Variants in TBC1D15 observed in about 807,000 individuals in gnomAD.
TBC1D15 encodes the protein TBC1 domain family member 15.
Under a neutral mutation model 95.4 loss-of-function variants are expected in TBC1D15, and 39 were observed. That is an observed-to-expected ratio of 0.41 (90% confidence interval 0.32 to 0.53). TBC1D15 has a LOEUF of 0.53. Ranked by LOEUF, TBC1D15 falls within the 20% of genes least tolerant of loss-of-function variation. The probability of loss-of-function intolerance (pLI) is 0.29; values close to 1 mark genes in which losing one functional copy is unlikely to be tolerated. For synonymous variants in TBC1D15, 258 were observed against 261.3 expected (o/e 0.99, Z 0.12); for missense variants, 733 against 794.3 (o/e 0.92, Z 0.93).
intron 7 of TBC1D15, 85 bp from the exon 8 acceptor site, chr12:71,895,862 C>A: frequency 7.7e-7 from 1 of 1,299,748 alleles, no homozygotes; most frequent in Admixed American, 2.4e-5. Flanking sequence ...GTCTGAAAAA[C>A]AGTATTTTAA....
intron 10 of TBC1D15, among the ~76,000 whole-genome samples, chr12:71,900,605 A>G (rs1460168903): frequency 6.6e-6 from 1 of 152,112 alleles, no homozygotes; most frequent in Non-Finnish European, 1.5e-5. Flanking sequence ...AGTGCCTATT[A>G]TGTACTAGGC....
intron 1 of TBC1D15, among the ~76,000 whole-genome samples, chr12:71,846,952 AGTGTTGCCGTGTTGCTCC>A (rs1473719171): frequency 6.6e-6 from 1 of 151,586 alleles, no homozygotes; most frequent in Non-Finnish European, 1.5e-5. Flanking sequence ...GTAGAGATGG[AGTGTTGCCGTGTTGCTCC>A]GTCTGCTTAG....
rs1870083522 is a variant in TBC1D15, at chr12:71,923,135, T to G, written c.1956T>G (p.Ser652Arg). 1 of 1,614,102 alleles carries G rather than the reference T, an allele frequency of 6.2e-7. No homozygotes were observed. The highest frequency in any genetic ancestry group is 1.7e-5 in the Admixed American group (1 of 60,010). Residue 652 changes from serine to arginine, a missense_variant, in exon 17 of 17, where the codon AGT becomes AGG. Transcript: ENST00000485960. ...ATGCCTTGCCTACACTCTCTGCCAG[T>G]GGAGCCAGAAATGACAGCCCAACAC... ...QSNALPTLSA[S>R]GARNDSPTQI... is the part of the protein sequence containing the mutation.
chr12:71,853,371 T>G (rs571274358), intron 1 of TBC1D15, among the ~76,000 whole-genome samples: 1 of 152,300 alleles, frequency 6.6e-6, no homozygotes, highest in Non-Finnish European at 1.5e-5. Context: ...GGATTACAAT[T>G]TAACATCAAA....
At chr12:71,876,942 C>G (rs936742659) in intron 3 of TBC1D15, among the ~76,000 whole-genome samples, 2 of 151,914 alleles carry the variant, frequency 1.3e-5, no homozygotes, top group African/African-American at 2.4e-5. Context: ...TCCGGAGTAG[C>G]TGGGACTACA....
At chr12:71,894,625 G>A in intron 6 of TBC1D15, 61 bp from the exon 7 acceptor site, 1 of 1,427,450 alleles carries the variant, frequency 7.0e-7, no homozygotes, top group African/African-American at 1.4e-5. Flanking sequence ...TGCTCATGAT[G>A]GAGTATTCGT....
In TBC1D15 at chr12:71,880,083, TA is replaced by T. The variant is rs1176072358; in HGVS notation, c.205-384del. Among the ~76,000 whole-genome samples the T allele has an allele frequency of 7.9e-5, 12 of 152,306 alleles. No homozygotes were observed. The East Asian group carries it at 2.1e-3, about 27-fold the overall frequency. On this transcript the variant is annotated intron_variant, in intron 3 of 16. Coordinates refer to ENST00000485960, the MANE Select transcript of TBC1D15 (RefSeq NM_001146213.3). ...CCACCATTGGGCTCTTTTCTTTAAA[TA>T]ACTAAAAGTTTGGAGGTTGGGAGCT...
chr12:71,902,952 G>T (rs138242862), intron 10 of TBC1D15, among the ~76,000 whole-genome samples: 1 of 152,048 alleles, frequency 6.6e-6, no homozygotes, highest in Non-Finnish European at 1.5e-5. Flanking sequence ...TCGCTCTGTT[G>T]CCCAGGCTGG....
chr12:71,895,824 G>T lies in TBC1D15; in HGVS notation c.856-123G>T, dbSNP rs367956564. 2.3e-4 allele frequency: 215 copies of T among 924,038 alleles called. 1 individual carries two copies. The South Asian group carries it at 5.1e-3, about 22-fold the overall frequency. The allele number at this position is 924,038 out of a possible 1,614,324, so 57.2% of individuals were successfully genotyped here. The stretch of plus-strand genomic sequence containing the variant: ...GTTAAACTAAACATGGGAAAATAAG[G>T]AACAATCTTAAAAGTATTAGAAGTC... On this transcript the variant is annotated intron_variant, in intron 7 of 16. Transcript: ENST00000485960.
At chr12:71,845,996 T>G (rs1393871378) in intron 1 of TBC1D15, among the ~76,000 whole-genome samples, 4 of 152,188 alleles carry the variant, frequency 2.6e-5, no homozygotes, top group Admixed American at 6.5e-5. Context: ...TTCCAGCTCT[T>G]TGTGTCAGGA....
chr12:71,880,073 T>C (rs1003100243), intron 3 of TBC1D15, among the ~76,000 whole-genome samples: 8 of 152,212 alleles, frequency 5.3e-5, no homozygotes, highest in African/African-American at 1.9e-4. Context: ...ATTGGGCTCT[T>C]TTCTTTAAAT....
chr12:71,903,906 T>C (rs1038268856), intron 10 of TBC1D15, among the ~76,000 whole-genome samples: 1 of 152,202 alleles, frequency 6.6e-6, no homozygotes, highest in Non-Finnish European at 1.5e-5. Context: ...TTGGGTGTTA[T>C]GCTCATTACC....
In TBC1D15 at chr12:71,918,440, C is replaced by T; in HGVS notation, c.1502-11C>T. ...GAGTAAGTCATATGTGTGTTTTTTT[C>T]TTCTGCATAGAATCTCAGGACTCTG... On this transcript the variant is annotated splice_polypyrimidine_tract_variant and intron_variant, in intron 13 of 16. Coordinates refer to ENST00000485960, the MANE Select transcript of TBC1D15 (RefSeq NM_001146213.3). 1 of 1,550,984 alleles carries T rather than the reference C, an allele frequency of 6.4e-7. No individual in the cohort carries two copies. Among genetic ancestry groups the T allele is most frequent in the South Asian group, 1.2e-5 (1 of 84,348 alleles).
In TBC1D15 at chr12:71,923,140, C is replaced by G. The variant is rs1236239388; in HGVS notation, c.1961C>G (p.Ala654Gly). 1 of 1,614,038 alleles carries G rather than the reference C, an allele frequency of 6.2e-7. No individual in the cohort carries two copies. The highest frequency in any genetic ancestry group is 8.5e-7 in the Non-Finnish European group (1 of 1,180,042). ...TTGCCTACACTCTCTGCCAGTGGAG[C>G]CAGAAATGACAGCCCAACACAGATA... Reference protein sequence around the residue: ...NALPTLSASGARNDSPTQIPV... With the variant: ...NALPTLSASGGRNDSPTQIPV... The change falls in exon 17 of 17, where the codon GCC (alanine) becomes GGC (glycine). Residue 654 changes from alanine (A) to glycine (G), a missense_variant. Transcript: ENST00000485960.
chr12:71,864,386 A>G (rs1401569425), intron 1 of TBC1D15, among the ~76,000 whole-genome samples: 2 of 151,426 alleles, frequency 1.3e-5, no homozygotes, highest in African/African-American at 4.9e-5. Context: ...TTTTCGTTTC[A>G]TGTGTGCCTC....
Position 71,880,547 on chromosome 12 carries a change from G to A in TBC1D15, c.283G>A (p.Glu95Lys), listed in dbSNP as rs777131715. The stretch of plus-strand genomic sequence containing the variant: ...AGGATCAGAACATCTGAACAGTTAC[G>A]AAGCAGAATGGGACATGGTTAATAC... ...HRGSEHLNSY[E>K]AEWDMVNTVS... Residue 95 changes from glutamate (E) to lysine (K), a missense_variant, in exon 4 of 17, where the codon GAA (glutamate) becomes AAA (lysine). Coordinates refer to ENST00000485960, the MANE Select transcript of TBC1D15 (RefSeq NM_001146213.3). The A allele has an allele frequency of 3.1e-6, 5 of 1,613,466 alleles. No homozygotes were observed. Among genetic ancestry groups the A allele is most frequent in the East Asian group, 2.2e-5 (1 of 44,820 alleles).
intron 11 of TBC1D15, among the ~76,000 whole-genome samples, chr12:71,909,922 C>T (rs1400612448): frequency 6.6e-6 from 1 of 151,970 alleles, no homozygotes; most frequent in African/African-American, 2.4e-5. Flanking sequence ...TAATTCCACC[C>T]CCTACAACCC....
intron 1 of TBC1D15, among the ~76,000 whole-genome samples, chr12:71,843,973 A>G (rs1885694434): frequency 6.7e-6 from 1 of 149,874 alleles, no homozygotes. Context: ...CACATCCCAA[A>G]TAAAACTCAG....
intron 1 of TBC1D15, among the ~76,000 whole-genome samples, chr12:71,860,757 C>T (rs576788848): frequency 1.3e-4 from 20 of 152,202 alleles, no homozygotes; most frequent in Non-Finnish European, 1.8e-4. Context: ...ACTTCCAGTA[C>T]GGTGTTGACT....
Sources: gnomAD v4.1 joint callset for allele counts (sites outside exome capture counted in the v4.1 genomes callset) on GRCh38, gnomAD v4.1.1 for gene constraint, MANE v1.5 for transcripts, NCBI Gene and HGNC (gene_info 2026-07-23, HGNC 2026-07-21) for gene names.